LHFPL4: variants seen among roughly 807,000 people sequenced by gnomAD.
LHFPL4 encodes LHFPL tetraspan subfamily member 4, also known as LHFPL tetraspan subfamily member 4 protein.
A neutral mutation model predicts 20.0 loss-of-function variants in LHFPL4; 6 were observed. That is an observed-to-expected ratio of 0.30 (90% confidence interval 0.16 to 0.59). The LOEUF is 0.59. Among genes scored for constraint, LHFPL4 ranks in the 20% least tolerant of loss-of-function variants. LHFPL4 has a pLI of 0.88. For synonymous variants in LHFPL4, 129 were observed against 143.8 expected (o/e 0.90, Z 0.74); for missense variants, 215 against 331.2 (o/e 0.65, Z 2.72).
rs575448276 is a variant in LHFPL4 at position 9,509,244 on chromosome 3, C to A, written c.407-3041G>T. ...CACCCTTTTCATCTTTCTTCGCACC[C>A]CCCTCTCTCTCTCTCTGGCTTGTCT... On this transcript the variant is annotated intron_variant, in intron 2 of 3. Transcript: ENST00000287585. Among the ~76,000 whole-genome samples the A allele has an allele frequency of 9.5e-4, 139 of 146,440 alleles. 2 individuals carry two copies. Among genetic ancestry groups the A allele is most frequent in the African/African-American group, 3.5e-3 (136 of 39,128 alleles).
At chr3:9,544,533 G>T (rs959154855) in intron 2 of LHFPL4, among the ~76,000 whole-genome samples, 3 of 152,134 alleles carry the variant, frequency 2.0e-5, no homozygotes, top group Non-Finnish European at 4.4e-5. Context: ...GCTGAAGCAG[G>T]AGAATTGCGT....
At chr3:9,513,410 C>T (rs969649118) in intron 2 of LHFPL4, among the ~76,000 whole-genome samples, 14 of 152,260 alleles carry the variant, frequency 9.2e-5, no homozygotes, top group South Asian at 2.1e-4. Context: ...TGGCTCACTG[C>T]GTCCTCGAAC....
chr3:9,515,148 C>G lies in LHFPL4; in HGVS notation c.407-8945G>C, dbSNP rs578142405. On this transcript the variant is annotated intron_variant, in intron 2 of 3. Transcript: ENST00000287585. ...AGGAATGAGAGTTACTGTTGCTCCA[C>G]GTCCTACCAGCATTTGGTGTCAGTG... Among the ~76,000 whole-genome samples, 6 of 152,304 alleles carry G rather than the reference C, an allele frequency of 3.9e-5. No homozygotes were observed. The East Asian group carries it at 7.7e-4, about 20-fold the overall frequency.
At chr3:9,543,844 A>G (rs868637885) in intron 2 of LHFPL4, among the ~76,000 whole-genome samples, 2 of 142,196 alleles carry the variant, frequency 1.4e-5, no homozygotes, top group South Asian at 2.2e-4. Context: ...TGACCCTTCC[A>G]TCTCAATCTC....
chr3:9,536,671 T>C (rs1290109752), intron 2 of LHFPL4, among the ~76,000 whole-genome samples: 2 of 151,946 alleles, frequency 1.3e-5, no homozygotes, highest in South Asian at 2.1e-4. Flanking sequence ...CAAAAACAAA[T>C]GGTATCATGG....
chr3:9,520,403 G>C (rs988132977), intron 2 of LHFPL4, among the ~76,000 whole-genome samples: 9 of 152,062 alleles, frequency 5.9e-5, no homozygotes, highest in Non-Finnish European at 4.4e-5. Flanking sequence ...ACCCAGGCTG[G>C]AGTGCAGTGG....
chr3:9,520,681 G>C (rs1559517888), intron 2 of LHFPL4, among the ~76,000 whole-genome samples: 1 of 152,076 alleles, frequency 6.6e-6, no homozygotes, highest in Non-Finnish European at 1.5e-5. Context: ...ATGTGTTATT[G>C]AGAAGTGTGT....
intron 2 of LHFPL4, among the ~76,000 whole-genome samples, chr3:9,507,392 T>C (rs77155327): frequency 0.022 from 3,400 of 152,334 alleles, 132 homozygotes; most frequent in African/African-American, 0.078. Flanking sequence ...TCCTTCATCT[T>C]TAAGCCTCAG....
rs1574854158 is a variant in LHFPL4 at position 9,542,213 on chromosome 3, G to T, written c.406+10061C>A. ...AGGCACAAGAATCGCTTGAACCCAGGTGGTGGAGCTTACAGTGAGCTGAGA... is the reference window on the plus strand; with the variant it reads ...AGGCACAAGAATCGCTTGAACCCAGTTGGTGGAGCTTACAGTGAGCTGAGA... On this transcript the variant is annotated intron_variant, in intron 2 of 3. Transcript: ENST00000287585. Among the ~76,000 whole-genome samples, 3 of 151,892 alleles carry T rather than the reference G, an allele frequency of 2.0e-5. No individual in the cohort carries two copies. The East Asian group carries it at 5.8e-4, about 30-fold the overall frequency.
chr3:9,505,851 G>A lies in LHFPL4; in HGVS notation c.643+116C>T, dbSNP rs536609443. The stretch of plus-strand genomic sequence containing the variant: ...TGGGATTATAGGCGTGAGCCACCAC[G>A]CCCAGCCAGGGTTTCCAATTCATGC... On this transcript the variant is annotated intron_variant, in intron 3 of 3. Coordinates refer to ENST00000287585, the MANE Select transcript of LHFPL4 (RefSeq NM_198560.3). The A allele has an allele frequency of 7.8e-5, 79 of 1,012,388 alleles. No individual in the cohort carries two copies. The South Asian group carries it at 1.0e-3, about 13-fold the overall frequency. 62.7% of individuals were successfully genotyped at this position (1,012,388 alleles called of 1,614,324 possible).
At chr3:9,537,776 G>A (rs1009357360) in intron 2 of LHFPL4, among the ~76,000 whole-genome samples, 7 of 152,056 alleles carry the variant, frequency 4.6e-5, no homozygotes, top group African/African-American at 1.7e-4. Context: ...TAAGGTTGCT[G>A]TTCCCTAGGC....
Position 9,506,320 on chromosome 3 carries a change from G to C in LHFPL4, c.407-117C>G, listed in dbSNP as rs17815563. 4.0e-6 allele frequency: 3 copies of C among 746,544 alleles called. No individual in the cohort carries two copies. Among genetic ancestry groups the C allele is most frequent in the East Asian group, 2.5e-5 (1 of 40,230 alleles). The allele number at this position is 746,544 out of a possible 1,614,324, so 46.2% of individuals were successfully genotyped here. Reference sequence around the variant, plus strand: ...ATTGAGGGCACATCAACCCAACCACGTGCTTGTTACCCACTTCCACAGAGG... The same window carrying C: ...ATTGAGGGCACATCAACCCAACCACCTGCTTGTTACCCACTTCCACAGAGG... On this transcript the variant is annotated intron_variant, in intron 2 of 3. Coordinates refer to ENST00000287585, the MANE Select transcript of LHFPL4 (RefSeq NM_198560.3). This position sits in a 1 kb window ranked among gnomAD's most constrained non-coding sequence, Gnocchi z 4.5.
At chr3:9,520,619 C>T (rs1476239920) in intron 2 of LHFPL4, among the ~76,000 whole-genome samples, 1 of 152,100 alleles carries the variant, frequency 6.6e-6, no homozygotes, top group Non-Finnish European at 1.5e-5. Context: ...GCTGAAATTA[C>T]AGGTGTGAGC....
At chr3:9,505,881 C>T (rs1250068479) in intron 3 of LHFPL4, 86 bp downstream of exon 3, 1 of 1,294,826 alleles carries the variant, frequency 7.7e-7, no homozygotes, top group Non-Finnish European at 1.1e-6. Context: ...TCATGCAACC[C>T]TCTTACTCCT....
At position 9,552,448 on chromosome 3, in the gene LHFPL4, G is replaced by C. The variant is rs781248542; in HGVS notation, c.232C>G (p.Arg78Gly). 3 of 1,613,392 alleles carry C rather than the reference G, an allele frequency of 1.9e-6. No individual in the cohort carries two copies. Among genetic ancestry groups the C allele is most frequent in the East Asian group, 2.2e-5 (1 of 44,866 alleles). ...SGLAGRELTC[R>G]GSFTDFSTIP... is the part of the protein sequence containing the mutation. Reference sequence around the variant, plus strand: ...GTGCTGAAGTCGGTGAAGGAGCCCCGGCAGGTGAGCTCGCGGCCCGCCAGC... The same window carrying C: ...GTGCTGAAGTCGGTGAAGGAGCCCCCGCAGGTGAGCTCGCGGCCCGCCAGC... Residue 78 changes from arginine to glycine, a missense_variant, in exon 2 of 4, where the codon CGG (arginine) becomes GGG (glycine). Physicochemically the swap from Arg to Gly is moderately radical, Grantham distance 125. Around this residue, in one of 2 missense-constraint regions of LHFPL4, gnomAD observed 164 missense variants for 286.7 expected, o/e 0.57. Transcript: ENST00000287585.
intron 2 of LHFPL4, among the ~76,000 whole-genome samples, chr3:9,520,647 A>T (rs1244448766): frequency 1.3e-5 from 2 of 152,102 alleles, no homozygotes; most frequent in Non-Finnish European, 2.9e-5. Context: ...CCCGGCCTCT[A>T]TCTTGAGATT....
At chr3:9,518,663 T>C (rs2125659072) in intron 2 of LHFPL4, among the ~76,000 whole-genome samples, 1 of 146,920 alleles carries the variant, frequency 6.8e-6, no homozygotes, top group African/African-American at 2.5e-5. Flanking sequence ...CCATTTCATC[T>C]AGGTTATCAA....
intron 2 of LHFPL4, among the ~76,000 whole-genome samples, chr3:9,526,442 C>A (rs1381505098): frequency 6.6e-6 from 1 of 152,150 alleles, no homozygotes; most frequent in Admixed American, 6.6e-5. Flanking sequence ...TGTCCCCGTA[C>A]AAATCTGACA....
At chr3:9,550,941 T>A (rs927146642) in intron 2 of LHFPL4, 1 of 152,266 alleles carries the variant, frequency 6.6e-6, no homozygotes, top group Admixed American at 6.5e-5. Flanking sequence ...ACCAGCCTCA[T>A]GACTTTGTCC....
Sources: gnomAD v4.1 joint callset for allele counts (sites outside exome capture counted in the v4.1 genomes callset) on GRCh38, gnomAD v4.1.1 for gene constraint, gnomAD v4.1.1 regional missense constraint, Gnocchi (gnomAD v3.1) non-coding constraint, MANE v1.5 for transcripts, NCBI Gene and HGNC (gene_info 2026-07-23, HGNC 2026-07-21) for gene names.